The following LOC128125822 variants were observed in gnomAD, a reference collection of about 807,000 sequenced individuals.
the LOC128125822 span, chr6:63,573,503 G>C: frequency 6.6e-6 from 1 of 152,254 alleles, no homozygotes; most frequent in East Asian, 1.9e-4. Context: ...GGCGCGGAGA[G>C]GGGGCGCAGC....
the LOC128125822 span, chr6:63,572,522 G>C: frequency 1.8e-5 from 7 of 392,156 alleles, no homozygotes; most frequent in South Asian, 1.3e-4. Flanking sequence ...GGGCCGGCTC[G>C]GCTACGCGCT....
the LOC128125822 span, among the ~76,000 whole-genome samples, chr6:63,577,150 AC>A: frequency 1.3e-5 from 2 of 152,230 alleles, no homozygotes; most frequent in Non-Finnish European, 2.9e-5. Context: ...GTATATTTGT[AC>A]ATTTTGAGAA....
chr6:63,578,918 T>A, the LOC128125822 span: 7 of 1,586,882 alleles, frequency 4.4e-6, no homozygotes, highest in Non-Finnish European at 6.0e-6. Context: ...TTGATGATGG[T>A]GCACCACCAT....
the LOC128125822 span, among the ~76,000 whole-genome samples, chr6:63,578,180 T>A: frequency 6.6e-6 from 1 of 152,198 alleles, no homozygotes. Flanking sequence ...GGCACACAAT[T>A]TAAACAAAAG....
At chr6:63,583,026 T>TA in the LOC128125822 span, 2 of 152,296 alleles carry the variant, frequency 1.3e-5, no homozygotes, top group African/African-American at 4.8e-5. Flanking sequence ...TATCTACTGT[T>TA]TGCCAGGCAT....
chr6:63,579,040 T>C, the LOC128125822 span: 2 of 1,563,112 alleles, frequency 1.3e-6, no homozygotes, highest in African/African-American at 1.4e-5. Context: ...TAAATGAATT[T>C]ATCAATTTGA....
At chr6:63,582,350 T>C in the LOC128125822 span, 2 of 152,734 alleles carry the variant, frequency 1.3e-5, no homozygotes, top group Middle Eastern at 3.4e-3. Flanking sequence ...ATCTTTTGAG[T>C]TTGAAAAGAA....
the LOC128125822 span, chr6:63,572,735 A>T: frequency 2.5e-6 from 1 of 398,330 alleles, no homozygotes; most frequent in Non-Finnish European, 4.4e-6. Flanking sequence ...TAGCCGTCGC[A>T]TCGTCGCCTC....
the LOC128125822 span, chr6:63,572,490 G>A: frequency 2.1e-5 from 8 of 387,712 alleles, no homozygotes; most frequent in Non-Finnish European, 3.7e-5. Context: ...GCCTCGGCGC[G>A]TGTATTGGCT....
At chr6:63,579,158 G>T in the LOC128125822 span, 2 of 1,391,436 alleles carry the variant, frequency 1.4e-6, no homozygotes, top group Non-Finnish European at 2.0e-6. Flanking sequence ...AATAGGAAGG[G>T]TGGTAGATAA....
the LOC128125822 span, among the ~76,000 whole-genome samples, chr6:63,576,051 A>T: frequency 6.6e-6 from 1 of 151,134 alleles, no homozygotes; most frequent in Admixed American, 6.6e-5. Context: ...AAAGAAAACA[A>T]CTATCGAAAG....
the LOC128125822 span, chr6:63,578,946 G>T: frequency 1.2e-6 from 2 of 1,603,358 alleles, no homozygotes; most frequent in South Asian, 2.2e-5. Flanking sequence ...GATTGTTGAT[G>T]ACTGGTTAAG....
chr6:63,573,008 C>T, the LOC128125822 span, among the ~76,000 whole-genome samples: 4 of 151,994 alleles, frequency 2.6e-5, no homozygotes, highest in South Asian at 8.3e-4. Flanking sequence ...GCGGCGCGGT[C>T]CGGCTTCTGC....
chr6:63,572,482 C>T, the LOC128125822 span: 12 of 389,244 alleles, frequency 3.1e-5, no homozygotes, highest in Non-Finnish European at 4.1e-5. Context: ...GCAAGGGCGC[C>T]TCGGCGCGTG....
the LOC128125822 span, chr6:63,580,284 T>C: frequency 1.1e-6 from 1 of 883,172 alleles, no homozygotes; most frequent in South Asian, 1.6e-5. Context: ...TCCATAGGAG[T>C]ATTGAAAGGC....
At chr6:63,576,686 A>G in the LOC128125822 span, 4 of 600,034 alleles carry the variant, frequency 6.7e-6, no homozygotes, top group Non-Finnish European at 1.2e-5. Flanking sequence ...TGGCCTCAGT[A>G]TTACTGGATT....
the LOC128125822 span, chr6:63,580,429 T>C: frequency 7.6e-6 from 3 of 395,382 alleles, no homozygotes; most frequent in Non-Finnish European, 1.4e-5. Flanking sequence ...CAATTGACCT[T>C]TCCCCAAATC....
chr6:63,576,884 G>A, the LOC128125822 span: 1 of 1,611,322 alleles, frequency 6.2e-7, no homozygotes, highest in Non-Finnish European at 8.5e-7. Flanking sequence ...AATTAACATG[G>A]CTCGAATGAA....
chr6:63,577,129 A>C, the LOC128125822 span: 1 of 664,356 alleles, frequency 1.5e-6, no homozygotes, highest in Admixed American at 2.9e-5. Context: ...AATGTCTTCT[A>C]TAGGTTAGAG....
Sources: gnomAD v4.1 joint callset for allele counts (sites outside exome capture counted in the v4.1 genomes callset) on GRCh38, gnomAD v4.1.1 for gene constraint, MANE v1.5 for transcripts.